Variants in CFAP54 observed in about 807,000 individuals in gnomAD.
CFAP54 encodes cilia- and flagella-associated protein 54.
Under a neutral mutation model 370.4 loss-of-function variants are expected in CFAP54, and 290 were observed. The observed-to-expected ratio is 0.78, with a 90% confidence interval of 0.71 to 0.86. The LOEUF (loss-of-function observed/expected upper bound fraction) is 0.86, where lower values mean the gene tolerates loss of function less well. Ranked by LOEUF, CFAP54 falls within the 40% of genes least tolerant of loss-of-function variation. The pLI is 0.00. For missense variants in CFAP54, 3,399 were observed against 3,528.7 expected (o/e 0.96, Z 0.93); for synonymous variants, 1,206 against 1,236.5 (o/e 0.98, Z 0.52).
chr12:96,679,648 A>G lies in CFAP54; in HGVS notation c.5612A>G (p.Asp1871Gly), dbSNP rs777503486. 1.2e-6 allele frequency: 2 copies of G among 1,613,634 alleles called. No homozygotes were observed. The highest frequency in any genetic ancestry group is 1.7e-4 in the Middle Eastern group (1 of 6,060). Residue 1871 changes from aspartate (D) to glycine (G), a missense_variant, in exon 40 of 68, where the codon GAC becomes GGC. By Grantham distance (94) the Asp-to-Gly change is moderately conservative. Around this residue, in one of 3 missense-constraint regions of CFAP54, gnomAD observed 2,796 missense variants for 2,869.7 expected, o/e 0.97. Transcript: ENST00000524981. ...ALVCVPVDVT[D>G]TLRCFRETLE... ...GTCTGCGTGCCCGTGGACGTGACAG[A>G]CACCTTGAGGTGTTTTAGAGAGACA... is the stretch of plus-strand genomic sequence containing the variant.
intron 19 of CFAP54, among the ~76,000 whole-genome samples, chr12:96,572,280 A>C (rs1417780433): frequency 6.6e-6 from 1 of 152,208 alleles, no homozygotes; most frequent in Non-Finnish European, 1.5e-5. Flanking sequence ...AATGAAGGAA[A>C]TGGCTTATTT....
intron 60 of CFAP54, among the ~76,000 whole-genome samples, chr12:96,783,780 C>T (rs111715259): frequency 1.1e-3 from 169 of 152,024 alleles, no homozygotes; most frequent in African/African-American, 3.9e-3. Flanking sequence ...CAGTTACTCG[C>T]GAGGCTGAGG....
chr12:96,693,322 C>T (rs1462829546), intron 44 of CFAP54, among the ~76,000 whole-genome samples: 1 of 152,124 alleles, frequency 6.6e-6, no homozygotes, highest in East Asian at 1.9e-4. Context: ...GATTGAGTTC[C>T]TTTGCTTTAA....
At position 96,521,990 on chromosome 12, in the gene CFAP54, T is replaced by G; in HGVS notation, c.1056+20T>G. On this transcript the variant is annotated intron_variant, in intron 7 of 67. Transcript: ENST00000524981. ...ATGAAGGTATAAAAATTTCATGAAA[T>G]AAAAGAAATTTACCACACTCTACAG... 6.6e-7 allele frequency: 1 copy of G among 1,525,916 alleles called. No homozygotes were observed. Among genetic ancestry groups the G allele is most frequent in the African/African-American group, 1.4e-5 (1 of 72,866 alleles). 94.5% of individuals were successfully genotyped at this position (1,525,916 alleles called of 1,614,324 possible).
chr12:96,664,073 A>G (rs1957027950), intron 39 of CFAP54, 141 bp downstream of exon 39: 9 of 667,948 alleles, frequency 1.3e-5, no homozygotes, highest in Admixed American at 3.2e-5. Flanking sequence ...AATGCATTTG[A>G]TTTTCGCCAT....
rs571177122 is a variant in CFAP54, at chr12:96,512,023, C to G, written c.740-963C>G. ...AACCCTCCCTCCAGCCTTCTATCCT[C>G]TTTTAATTAATGGTCTGACACAAAA... On this transcript the variant is annotated intron_variant, in intron 4 of 67. Coordinates refer to ENST00000524981, the MANE Select transcript of CFAP54 (RefSeq NM_001306084.2). Among the ~76,000 whole-genome samples, 6 of 152,082 alleles carry G rather than the reference C, an allele frequency of 3.9e-5. No individual in the cohort carries two copies. The South Asian group carries it at 1.0e-3, about 26-fold the overall frequency.
chr12:96,558,969 A>C (rs1172075092), intron 17 of CFAP54, among the ~76,000 whole-genome samples: 1 of 152,156 alleles, frequency 6.6e-6, no homozygotes, highest in Non-Finnish European at 1.5e-5. Flanking sequence ...TAATCCCAGC[A>C]CTCTGGGAGT....
At chr12:96,728,368 G>A (rs9669049) in intron 50 of CFAP54, among the ~76,000 whole-genome samples, 6 of 151,584 alleles carry the variant, frequency 4.0e-5, no homozygotes, top group African/African-American at 2.4e-5. Context: ...TGGAGGCTTT[G>A]TTTGTTTCTT....
chr12:96,769,485 T>G (rs1005570839), intron 60 of CFAP54, among the ~76,000 whole-genome samples: 2 of 152,178 alleles, frequency 1.3e-5, no homozygotes, highest in African/African-American at 2.4e-5. Context: ...ATGTGAAATA[T>G]AGCTTTATTC....
chr12:96,527,511 T>G (rs1204051839), intron 9 of CFAP54, 67 bp downstream of exon 9: 2 of 1,038,666 alleles, frequency 1.9e-6, no homozygotes, highest in Non-Finnish European at 2.7e-6. Flanking sequence ...AATTTTAACA[T>G]GGTAGTCCAT....
chr12:96,669,877 CA>C (rs1007399732), intron 39 of CFAP54, among the ~76,000 whole-genome samples: 1 of 152,078 alleles, frequency 6.6e-6, no homozygotes, highest in African/African-American at 2.4e-5. Flanking sequence ...TGAGGTCACC[CA>C]GGGAGAGTTA....
At chr12:96,786,516 C>A (rs1286079323) in intron 61 of CFAP54, among the ~76,000 whole-genome samples, 159 bp from the exon 62 acceptor site, 1 of 152,076 alleles carries the variant, frequency 6.6e-6, no homozygotes, top group Non-Finnish European at 1.5e-5. Context: ...AGAAACAATT[C>A]CATTAGTGTA....
chr12:96,861,539 A>G (rs34455), intron 67 of CFAP54, among the ~76,000 whole-genome samples: 24,670 of 152,238 alleles, frequency 0.16, 2,194 homozygotes, highest in Middle Eastern at 0.27. Flanking sequence ...GACCTTCCAT[A>G]TTTTATACTT....
Position 96,859,208 on chromosome 12 carries a change from G to A in CFAP54, c.9172-1611G>A, listed in dbSNP as rs114604334. Among the ~76,000 whole-genome samples, 632 of 152,292 alleles carry A rather than the reference G, an allele frequency of 4.1e-3. 3 individuals are homozygous for A. Among genetic ancestry groups the A allele is most frequent in the African/African-American group, 0.015 (606 of 41,552 alleles). On this transcript the variant is annotated intron_variant, in intron 66 of 67. Transcript: ENST00000524981. The stretch of plus-strand genomic sequence containing the variant: ...TGGGGTAGCTGGCTAGCCATAAGCA[G>A]AAGACTGAAGCTGGACCCCTTATTT...
At chr12:96,507,154 G>T in intron 4 of CFAP54, 55 bp downstream of exon 4, 1 of 1,332,686 alleles carries the variant, frequency 7.5e-7, no homozygotes, top group South Asian at 1.7e-5. Flanking sequence ...TTACTTCAAT[G>T]CTAAGTTTGA....
intron 65 of CFAP54, among the ~76,000 whole-genome samples, chr12:96,819,182 A>G (rs1959005941): frequency 6.6e-6 from 1 of 152,198 alleles, no homozygotes. Context: ...AAGATGGGGT[A>G]ATGAAAAGCC....
At chr12:96,492,767 C>G (rs888800489) in intron 1 of CFAP54, among the ~76,000 whole-genome samples, 2 of 152,120 alleles carry the variant, frequency 1.3e-5, no homozygotes, top group Non-Finnish European at 2.9e-5. Context: ...CTGAGGCAGG[C>G]AGATCACCTG....
At chr12:96,555,513 G>C (rs75567183) in intron 17 of CFAP54, among the ~76,000 whole-genome samples, 1,889 of 149,656 alleles carry the variant, frequency 0.013, 55 homozygotes, top group African/African-American at 0.045. Flanking sequence ...TGTCTACCTA[G>C]AAAATGCAAA....
chr12:96,681,997 A>C (rs1473191973), intron 40 of CFAP54: 1 of 206,256 alleles, frequency 4.8e-6, no homozygotes, highest in Non-Finnish European at 8.5e-6. Context: ...TTAAGGAAAT[A>C]GTGTCCCTCA....
Sources: gnomAD v4.1 joint callset for allele counts (sites outside exome capture counted in the v4.1 genomes callset) on GRCh38, gnomAD v4.1.1 for gene constraint, gnomAD v4.1.1 regional missense constraint, MANE v1.5 for transcripts, NCBI Gene and HGNC (gene_info 2026-07-23, HGNC 2026-07-21) for gene names.